LMF1: variants seen among roughly 807,000 people sequenced by gnomAD.
LMF1 encodes the protein transmembrane protein 112.
Under a neutral mutation model 60.6 loss-of-function variants are expected in LMF1, and 68 were observed. The observed-to-expected ratio is 1.12, with a 90% confidence interval of 0.92 to 1.37. The LOEUF is 1.37. Ranked by LOEUF, LMF1 falls within the 40% of genes most tolerant of loss-of-function variation. The probability of loss-of-function intolerance (pLI) is 0.00; values close to 1 mark genes in which losing one functional copy is unlikely to be tolerated. For synonymous variants in LMF1, 418 were observed against 324.7 expected (o/e 1.29, Z -3.09); for missense variants, 948 against 767.2 (o/e 1.24, Z -2.78).
At chr16:939,574 A>ACTGCCGGCGCCAGGCCTCGACC (rs1165756923) in intron 2 of LMF1, among the ~76,000 whole-genome samples, 1 of 152,204 alleles carries the variant, frequency 6.6e-6, no homozygotes, top group Non-Finnish European at 1.5e-5. Context: ...CGTCGCTGAG[A>ACTGCCGGCGCCAGGCCTCGACC]CTGCCGGCGC....
intron 3 of LMF1, among the ~76,000 whole-genome samples, chr16:927,894 G>A (rs1340393135): frequency 6.6e-6 from 1 of 152,226 alleles, no homozygotes; most frequent in Non-Finnish European, 1.5e-5. Flanking sequence ...CAGTGTCTGG[G>A]GCCCCGCACA....
intron 7 of LMF1, 47 bp from the exon 8 acceptor site, chr16:870,929 T>TGGC (rs767618608): frequency 1.3e-6 from 2 of 1,552,750 alleles, no homozygotes; most frequent in East Asian, 4.7e-5. Flanking sequence ...AGCTGCCCCG[T>TGGC]GGCCTGTCCC....
intron 10 of LMF1, among the ~76,000 whole-genome samples, chr16:862,850 A>G (rs2069503569): frequency 1.3e-5 from 2 of 152,128 alleles, no homozygotes; most frequent in Admixed American, 6.5e-5. Flanking sequence ...AGAGAGTGAG[A>G]ACCTGTCTCA....
chr16:973,368 A>G (rs1446579382), upstream of LMF1, among the ~76,000 whole-genome samples: 3 of 152,116 alleles, frequency 2.0e-5, no homozygotes, highest in Non-Finnish European at 4.4e-5. Flanking sequence ...ATAAAATAAA[A>G]AGGAATCCAG....
At chr16:981,433 G>C (rs2151518094), upstream of LMF1, 1 of 302,292 alleles carries the variant, frequency 3.3e-6, no homozygotes, top group Non-Finnish European at 7.2e-6. Context: ...CTGAGCGTCA[G>C]GACGGGGGGC....
intron 5 of LMF1, among the ~76,000 whole-genome samples, chr16:886,203 CGCATGGAGGATGGGCAGCACAGGGCT>C (rs2070301583): frequency 6.6e-6 from 1 of 152,144 alleles, no homozygotes; most frequent in African/African-American, 2.4e-5. Context: ...CAGTAAGGGG[CGCATGGAGGATGGGCAGCACAGGGCT>C]GCATAACAAC....
intron 1 of LMF1, chr16:968,690 A>G (rs1422517458): frequency 6.6e-6 from 1 of 152,256 alleles, no homozygotes; most frequent in African/African-American, 2.4e-5. Flanking sequence ...AAGAACGTGC[A>G]TATGTCAAGG....
Position 854,196 on chromosome 16 carries a change from A to C in LMF1, c.*336T>G. On this transcript the variant is annotated 3_prime_UTR_variant, in exon 11 of 11. Coordinates refer to ENST00000262301, the MANE Select transcript of LMF1 (RefSeq NM_022773.4). ...GGGTCTATGGTCAGGGCTGTAGTGG[A>C]GGAAGGTGTCAGGATGGCCATTGTC... 1.9e-6 allele frequency: 1 copy of C among 534,020 alleles called. No individual in the cohort carries two copies. The allele number at this position is 534,020 out of a possible 1,614,324, so 33.1% of individuals were successfully genotyped here. A position where few individuals can be genotyped will look rare whatever the true frequency, so the allele number is the denominator to read the frequency against.
intron 10 of LMF1, among the ~76,000 whole-genome samples, chr16:856,305 G>A (rs2151675750): frequency 1.3e-5 from 2 of 152,322 alleles, no homozygotes; most frequent in South Asian, 4.1e-4. Flanking sequence ...GTGCCAGGCA[G>A]AGAAGTCACA....
rs2072827742 is a variant in LMF1, at chr16:962,399, G to A, written c.194-7733C>T. Among the ~76,000 whole-genome samples the A allele has an allele frequency of 6.6e-6, 1 of 152,234 alleles. No individual in the cohort carries two copies. The highest frequency in any genetic ancestry group is 2.4e-5 in the African/African-American group (1 of 41,470). On this transcript the variant is annotated intron_variant, in intron 1 of 10. Transcript: ENST00000262301. The surrounding 1 kb of genome is among the most constrained non-coding windows in gnomAD (Gnocchi z 4.5). ...ATGTCCGCAGACACTCCCTTCAGGA[G>A]GCGGGGGCTGGACCCAGTGAGCGGC...
Position 856,967 on chromosome 16 carries a change from G to A in LMF1, c.1530-2261C>T, listed in dbSNP as rs990857860. Among the ~76,000 whole-genome samples, 4 of 152,336 alleles carry A rather than the reference G, an allele frequency of 2.6e-5. No homozygotes were observed. The East Asian group carries it at 7.7e-4, about 29-fold the overall frequency. On this transcript the variant is annotated intron_variant, in intron 10 of 10. Transcript: ENST00000262301. ...CCCCGTGTCCTTCCACACCCTCCCCGACCTTCGGCCTCCTTGTGTGATTTC... is the reference window on the plus strand; with the variant it reads ...CCCCGTGTCCTTCCACACCCTCCCCAACCTTCGGCCTCCTTGTGTGATTTC...
In LMF1 at chr16:962,346, G is replaced by A. The variant is rs2072826430; in HGVS notation, c.194-7680C>T. On this transcript the variant is annotated intron_variant, in intron 1 of 10. Transcript: ENST00000262301. The surrounding 1 kb of genome is among the most constrained non-coding windows in gnomAD (Gnocchi z 4.5). Reference sequence around the variant, plus strand: ...GTGACCACAAACAAGTAAGTAACAAGATCTTCCTCACAGAGGAATTCCACA... The same window carrying A: ...GTGACCACAAACAAGTAAGTAACAAAATCTTCCTCACAGAGGAATTCCACA... Among the ~76,000 whole-genome samples, 1 of 152,230 alleles carries A rather than the reference G, an allele frequency of 6.6e-6. No homozygotes were observed. Among genetic ancestry groups the A allele is most frequent in the Non-Finnish European group, 1.5e-5 (1 of 68,046 alleles).
chr16:886,155 A>C (rs999221130), intron 5 of LMF1, among the ~76,000 whole-genome samples: 3 of 152,220 alleles, frequency 2.0e-5, no homozygotes, highest in Non-Finnish European at 1.5e-5. Context: ...GATCAGTTTA[A>C]AGCTGGAAAG....
intron 6 of LMF1, among the ~76,000 whole-genome samples, chr16:876,821 T>C (rs1176594638): frequency 5.3e-5 from 8 of 151,480 alleles, no homozygotes; most frequent in Non-Finnish European, 1.5e-5. Context: ...TGATAACCAC[T>C]GAGGAAACAG....
chr16:952,696 C>G (rs1256869137), intron 2 of LMF1: 1 of 153,822 alleles, frequency 6.5e-6, no homozygotes, highest in South Asian at 1.9e-4. Flanking sequence ...CATGCAAAGC[C>G]CAGCTGTCCC....
chr16:869,078 G>A, intron 9 of LMF1, 22 bp from the exon 10 acceptor site: 3 of 1,523,788 alleles, frequency 2.0e-6, no homozygotes, highest in Non-Finnish European at 2.7e-6. Flanking sequence ...GGTCGGGCTG[G>A]AGACGGCTGT....
intron 5 of LMF1, 28 bp from the exon 6 acceptor site, chr16:879,765 G>A (rs757985026): frequency 6.4e-7 from 1 of 1,555,308 alleles, no homozygotes; most frequent in South Asian, 1.2e-5. Flanking sequence ...GCCGTGAGGT[G>A]CCTGGCCGAT....
chr16:871,820 C>T (rs538691141), intron 6 of LMF1: 4 of 156,234 alleles, frequency 2.6e-5, no homozygotes, highest in Non-Finnish European at 5.7e-5. Flanking sequence ...CCAGTAACGC[C>T]CCCACTCCAA....
chr16:969,492 G>C (rs868655938), intron 1 of LMF1, among the ~76,000 whole-genome samples: 19 of 152,190 alleles, frequency 1.2e-4, no homozygotes, highest in South Asian at 2.1e-4. Context: ...ACGTCGAACT[G>C]AGCATCACTC....
Sources: gnomAD v4.1 joint callset for allele counts (sites outside exome capture counted in the v4.1 genomes callset) on GRCh38, gnomAD v4.1.1 for gene constraint, Gnocchi (gnomAD v3.1) non-coding constraint, MANE v1.5 for transcripts, NCBI Gene and HGNC (gene_info 2026-07-23, HGNC 2026-07-21) for gene names.